The following IMMP2L variants were observed in gnomAD, a reference collection of about 807,000 sequenced individuals.
IMMP2L encodes inner mitochondrial membrane peptidase subunit 2.
A neutral mutation model predicts 19.3 loss-of-function variants in IMMP2L; 18 were observed. That is an observed-to-expected ratio of 0.93 (90% CI 0.64 to 1.38). IMMP2L has a LOEUF of 1.38. Among genes scored for constraint, IMMP2L ranks in the 40% most tolerant of loss-of-function variants. The pLI is 0.00. For missense variants in IMMP2L, 233 were observed against 218.2 expected (o/e 1.07, Z -0.43); for synonymous variants, 76 against 73.0 (o/e 1.04, Z -0.21).
intron 3 of IMMP2L, among the ~76,000 whole-genome samples, chr7:111,255,246 CTT>C (rs1816579059): frequency 6.6e-6 from 1 of 152,080 alleles, no homozygotes; most frequent in Non-Finnish European, 1.5e-5. Flanking sequence ...AACTAACAAA[CTT>C]GAAGTTCAAA....
chr7:111,364,845 C>T (rs1829615332), intron 3 of IMMP2L, among the ~76,000 whole-genome samples: 1 of 151,418 alleles, frequency 6.6e-6, no homozygotes, highest in Non-Finnish European at 1.5e-5. Context: ...GTGGCAGGCG[C>T]TGTAATCCCA....
intron 1 of IMMP2L, among the ~76,000 whole-genome samples, chr7:111,558,098 A>C (rs1327810531): frequency 6.6e-6 from 1 of 152,206 alleles, no homozygotes; most frequent in Admixed American, 6.5e-5. Context: ...AGAAGGTAAG[A>C]GTTTCCAGCG....
chr7:110,752,684 G>T (rs1797796478), intron 5 of IMMP2L, among the ~76,000 whole-genome samples: 1 of 152,000 alleles, frequency 6.6e-6, no homozygotes, highest in Non-Finnish European at 1.5e-5. Context: ...GAGGCAGGCA[G>T]GCCCACTTTC....
chr7:111,152,605 T>G (rs1586592440), intron 3 of IMMP2L, among the ~76,000 whole-genome samples: 1 of 152,268 alleles, frequency 6.6e-6, no homozygotes, highest in African/African-American at 2.4e-5. Context: ...TGAGATTACT[T>G]GTTTAAGCTT....
At chr7:110,745,324 C>T (rs1366420020) in intron 5 of IMMP2L, among the ~76,000 whole-genome samples, 1 of 152,184 alleles carries the variant, frequency 6.6e-6, no homozygotes, top group Non-Finnish European at 1.5e-5. Flanking sequence ...TTGGAAAACA[C>T]TCCCAGGATA....
intron 5 of IMMP2L, among the ~76,000 whole-genome samples, chr7:110,701,060 T>C (rs1794252785): frequency 6.6e-6 from 1 of 152,224 alleles, no homozygotes; most frequent in Non-Finnish European, 1.5e-5. Context: ...TTTTGTTTTA[T>C]GACATGTTGT....
chr7:111,211,279 A>C (rs1405404558), intron 3 of IMMP2L, among the ~76,000 whole-genome samples: 2 of 152,184 alleles, frequency 1.3e-5, no homozygotes, highest in Non-Finnish European at 2.9e-5. Context: ...GGGCATCCTG[A>C]ATAGCTGGGA....
Position 111,221,017 on chromosome 7 carries a change from G to C in IMMP2L, c.240-257452C>G, listed in dbSNP as rs530684469. Among the ~76,000 whole-genome samples, 25 of 152,114 alleles carry C rather than the reference G, an allele frequency of 1.6e-4. No homozygotes were observed. The South Asian group carries it at 5.2e-3, about 32-fold the overall frequency. ...CCATTTTAAACGCTAATCTCTTCGA[G>C]AAACACCTTCACAGAAACAACCTAA... On this transcript the variant is annotated intron_variant, in intron 3 of 5. Coordinates refer to ENST00000405709, the MANE Select transcript of IMMP2L (RefSeq NM_032549.4).
intron 5 of IMMP2L, among the ~76,000 whole-genome samples, chr7:110,664,068 T>G (rs1458406192): frequency 6.6e-6 from 1 of 152,062 alleles, no homozygotes; most frequent in South Asian, 2.1e-4. Context: ...GGTTAGTCTG[T>G]GTTTAGAACC....
intron 3 of IMMP2L, among the ~76,000 whole-genome samples, chr7:111,386,590 G>A (rs1202629231): frequency 1.3e-5 from 2 of 152,090 alleles, no homozygotes; most frequent in African/African-American, 4.8e-5. Flanking sequence ...AGAGGGAATG[G>A]ATAAGAAGCA....
intron 3 of IMMP2L, among the ~76,000 whole-genome samples, chr7:111,481,538 A>C (rs568673302): frequency 5.2e-4 from 79 of 152,230 alleles, no homozygotes; most frequent in African/African-American, 1.8e-3. Flanking sequence ...TGAAGTTAGA[A>C]CTCCTAACCC....
At chr7:111,556,023 TATATATATATATAC>T (rs1419836631) in intron 1 of IMMP2L, among the ~76,000 whole-genome samples, 4 of 130,688 alleles carry the variant, frequency 3.1e-5, no homozygotes, top group African/African-American at 5.6e-5. Context: ...TGCATGTATA[TATATATATATATAC>T]ATACCCAAAG....
intron 3 of IMMP2L, among the ~76,000 whole-genome samples, chr7:111,203,294 C>CA (rs1810347166): frequency 6.6e-6 from 1 of 151,214 alleles, no homozygotes; most frequent in African/African-American, 2.4e-5. Flanking sequence ...TGGGATACAG[C>CA]AAAAAACAAA....
chr7:111,443,051 T>C (rs1585117259), intron 3 of IMMP2L, among the ~76,000 whole-genome samples: 4 of 152,046 alleles, frequency 2.6e-5, no homozygotes, highest in African/African-American at 9.7e-5. Flanking sequence ...AGTTTTTCTT[T>C]CCAGAGCATG....
chr7:111,470,932 CA>C (rs1447049492), intron 3 of IMMP2L, among the ~76,000 whole-genome samples: 2 of 151,278 alleles, frequency 1.3e-5, no homozygotes, highest in Non-Finnish European at 3.0e-5. Context: ...AAGGAACCAG[CA>C]AAGCATACAA....
chr7:111,177,247 G>A (rs1186736861), intron 3 of IMMP2L, among the ~76,000 whole-genome samples: 1 of 151,924 alleles, frequency 6.6e-6, no homozygotes, highest in African/African-American at 2.4e-5. Context: ...TGGTGCTATC[G>A]CAGTTCACTG....
At chr7:111,046,061 G>GA (rs750012704) in intron 3 of IMMP2L, among the ~76,000 whole-genome samples, 6 of 151,654 alleles carry the variant, frequency 4.0e-5, no homozygotes, top group Admixed American at 2.0e-4. Context: ...TAAAGAATTT[G>GA]AAAAAAGTTT....
At chr7:111,241,020 T>G (rs1188530918) in intron 3 of IMMP2L, among the ~76,000 whole-genome samples, 2 of 151,864 alleles carry the variant, frequency 1.3e-5, no homozygotes, top group African/African-American at 4.8e-5. Context: ...CACATGTAAA[T>G]GCTACACTGT....
At chr7:110,862,235 TA>T (rs1254485416) in intron 5 of IMMP2L, among the ~76,000 whole-genome samples, 3 of 151,836 alleles carry the variant, frequency 2.0e-5, no homozygotes, top group Non-Finnish European at 2.9e-5. Context: ...ATATTTTATT[TA>T]TTTTTTTTTA....
Sources: allele counts gnomAD v4.1 joint callset (sites outside exome capture counted in the v4.1 genomes callset), GRCh38; gene constraint gnomAD v4.1.1; transcripts MANE v1.5; gene names NCBI Gene and HGNC (gene_info 2026-07-23, HGNC 2026-07-21).